Variants in SMIM9 observed in about 807,000 individuals in gnomAD.
SMIM9 encodes chromosome X open reading frame 68.
Under a neutral mutation model 7.2 loss-of-function variants are expected in SMIM9, and 8 were observed. The ratio of observed to expected loss-of-function variants is 1.10; its 90% confidence interval spans 0.65 to 1.99. SMIM9 has a LOEUF of 1.99. SMIM9 is among the 30% of genes most tolerant of loss of function. The pLI, the probability that SMIM9 is intolerant of heterozygous loss-of-function variation, is 0.00. For missense variants in SMIM9, 76 were observed against 69.3 expected (o/e 1.10, Z -0.34); for synonymous variants, 19 against 26.4 (o/e 0.72, Z 0.86).
intron 4 of SMIM9, among the ~76,000 whole-genome samples, chrX:154,827,069 G>A (rs1304208958): frequency 1.8e-5 from 2 of 112,395 alleles, no homozygotes; most frequent in Admixed American, 9.4e-5. Flanking sequence ...TCCCAGCAAG[G>A]GCTTATTGGC....
intron 1 of SMIM9, among the ~76,000 whole-genome samples, chrX:154,833,220 T>C (rs2072451991): frequency 8.9e-6 from 1 of 112,438 alleles, no homozygotes; most frequent in South Asian, 3.6e-4. Flanking sequence ...AGCAAAACAT[T>C]GTTTAAAAAA....
intron 2 of SMIM9, among the ~76,000 whole-genome samples, chrX:154,832,123 CT>C (rs1383699752): frequency 9.0e-6 from 1 of 111,138 alleles, no homozygotes; most frequent in Non-Finnish European, 1.9e-5. Context: ...TGAATGGCGA[CT>C]TTTGGCAGAT....
chrX:154,829,583 A>C lies in SMIM9; in HGVS notation c.224T>G (p.Val75Gly). 8.6e-7 allele frequency: 1 copy of C among 1,168,005 alleles called. No individual in the cohort carries two copies. Among genetic ancestry groups the C allele is most frequent in the Non-Finnish European group, 1.1e-6 (1 of 872,981 alleles). The change falls in exon 4 of 5, where the codon GTT (valine) becomes GGT (glycine). Residue 75 changes from valine to glycine, a missense_variant. Coordinates refer to ENST00000369529, the MANE Select transcript of SMIM9 (RefSeq NM_001162936.4). ...IKSALPPAAIVAFLLTSALMG... is the reference protein window; with the variant it reads ...IKSALPPAAIGAFLLTSALMG... ...TAGTGCTGAGGTGAGAAGAAAAGCA[A>C]CAATGGCTGCTGGAGGTAAGGCACT...
chrX:154,825,242 G>T (rs139933440), intron 4 of SMIM9, among the ~76,000 whole-genome samples: 138 of 110,650 alleles, frequency 1.2e-3, no homozygotes, highest in Non-Finnish European at 2.0e-3. Context: ...ACAAAAATCA[G>T]CTGGCTGGGC....
chrX:154,829,411 A>T (rs1221836937), intron 4 of SMIM9, 124 bp downstream of exon 4: 2 of 856,081 alleles, frequency 2.3e-6, no homozygotes, highest in Non-Finnish European at 3.2e-6. Context: ...TTCCTCCCAG[A>T]ATTGAATTTC....
intron 4 of SMIM9, among the ~76,000 whole-genome samples, chrX:154,826,520 A>G (rs2072422577): frequency 8.9e-6 from 1 of 112,037 alleles, no homozygotes; most frequent in African/African-American, 3.2e-5. Context: ...GCCTCTGAAA[A>G]TGCTGGGATT....
intron 4 of SMIM9, among the ~76,000 whole-genome samples, chrX:154,825,776 T>C (rs2072418896): frequency 9.1e-6 from 1 of 109,781 alleles, no homozygotes; most frequent in Non-Finnish European, 1.9e-5. Context: ...TGTAGGGACA[T>C]GGATGAAGCT....
At chrX:154,831,184 A>G (rs1286104005) in intron 2 of SMIM9, among the ~76,000 whole-genome samples, 1 of 111,382 alleles carries the variant, frequency 9.0e-6, no homozygotes, top group Non-Finnish European at 1.9e-5. Context: ...CCCCAACTCA[A>G]TTAGTAGAAA....
At chrX:154,831,880 C>G (rs146880085) in intron 2 of SMIM9, among the ~76,000 whole-genome samples, 2 of 111,115 alleles carry the variant, frequency 1.8e-5, no homozygotes, top group Non-Finnish European at 3.8e-5. Flanking sequence ...TTCCTTAGAT[C>G]CCATTGTTAA....
At chrX:154,824,597 C>T (rs782464851) in intron 4 of SMIM9, among the ~76,000 whole-genome samples, 1 of 111,763 alleles carries the variant, frequency 8.9e-6, no homozygotes, top group South Asian at 3.7e-4. Context: ...GCTTTTTCCA[C>T]TCAATGATAT....
chrX:154,830,303 G>A (rs1450311962), intron 3 of SMIM9, among the ~76,000 whole-genome samples: 1 of 112,025 alleles, frequency 8.9e-6, no homozygotes, highest in Non-Finnish European at 1.9e-5. Context: ...TAGCATGTGT[G>A]TGCATGTTGG....
At chrX:154,823,927 G>T in intron 4 of SMIM9, 145 bp from the exon 5 acceptor site, 1 of 527,289 alleles carries the variant, frequency 1.9e-6, no homozygotes, top group Non-Finnish European at 2.9e-6. Flanking sequence ...TGATGAAAAA[G>T]CAGAATAAGA....
At chrX:154,823,942 G>A (rs1402798862) in intron 4 of SMIM9, among the ~76,000 whole-genome samples, 160 bp from the exon 5 acceptor site, 1 of 112,576 alleles carries the variant, frequency 8.9e-6, no homozygotes. Flanking sequence ...ATAAGAATGT[G>A]TTTCCAGTAC....
At chrX:154,824,226 G>A (rs1248871384) in intron 4 of SMIM9, among the ~76,000 whole-genome samples, 2 of 108,773 alleles carry the variant, frequency 1.8e-5, no homozygotes, top group Non-Finnish European at 3.8e-5. Context: ...GCGTGGTGGC[G>A]GGCGCCTGTA....
chrX:154,834,056 C>T (rs1231885820), intron 1 of SMIM9, among the ~76,000 whole-genome samples: 2 of 112,067 alleles, frequency 1.8e-5, no homozygotes, highest in African/African-American at 6.5e-5. Flanking sequence ...GGTTGTGACC[C>T]GAAACACTGG....
intron 4 of SMIM9, among the ~76,000 whole-genome samples, chrX:154,825,205 T>C (rs1455000250): frequency 1.8e-5 from 2 of 110,643 alleles, no homozygotes; most frequent in Non-Finnish European, 3.8e-5. Flanking sequence ...CTGACCAACA[T>C]GGTGAAACCC....
intron 2 of SMIM9, among the ~76,000 whole-genome samples, chrX:154,831,421 G>A (rs2072445291): frequency 8.9e-6 from 1 of 111,978 alleles, no homozygotes; most frequent in Non-Finnish European, 1.9e-5. Flanking sequence ...AAAAGTAAAT[G>A]TTTGCTTAGA....
At chrX:154,828,975 C>T (rs1332788298) in intron 4 of SMIM9, among the ~76,000 whole-genome samples, 3 of 111,900 alleles carry the variant, frequency 2.7e-5, no homozygotes, top group African/African-American at 9.8e-5. Flanking sequence ...TGGACTCTGT[C>T]TCCCACAATA....
Position 154,830,864 on chromosome X carries a change from C to A in SMIM9, c.-8G>T. ...CAGCTTCTGGGGTTCCATGGACTCC[C>A]GCCTTCAGCTGCGGCTGAAGAGCTG... On this transcript the variant is annotated 5_prime_UTR_variant, in exon 3 of 5. Coordinates refer to ENST00000369529, the MANE Select transcript of SMIM9 (RefSeq NM_001162936.4). 2 of 1,163,715 alleles carry A rather than the reference C, an allele frequency of 1.7e-6. No homozygotes were observed. Among genetic ancestry groups the A allele is most frequent in the South Asian group, 1.9e-5 (1 of 51,902 alleles).
Sources: allele counts gnomAD v4.1 joint callset (sites outside exome capture counted in the v4.1 genomes callset), GRCh38; gene constraint gnomAD v4.1.1; transcripts MANE v1.5; gene names NCBI Gene and HGNC (gene_info 2026-07-23, HGNC 2026-07-21).